The following CABIN1 variants were observed in gnomAD, a reference collection of about 807,000 sequenced individuals.
CABIN1 encodes the protein calcineurin-binding protein cabin-1.
Under a neutral mutation model 227.7 loss-of-function variants are expected in CABIN1, and 133 were observed. The ratio of observed to expected loss-of-function variants is 0.58; its 90% CI spans 0.51 to 0.67. CABIN1 has a LOEUF of 0.67. Among genes scored for constraint, CABIN1 ranks in the 30% least tolerant of loss-of-function variants. The pLI is 0.00. For synonymous variants in CABIN1, 1,086 were observed against 1,155.1 expected (o/e 0.94, Z 1.21); for missense variants, 2,408 against 2,852.5 (o/e 0.84, Z 3.55).
intron 29 of CABIN1, 124 bp downstream of exon 29, chr22:24,134,539 C>A: frequency 1.3e-6 from 1 of 752,514 alleles, no homozygotes; most frequent in Non-Finnish European, 2.3e-6. Context: ...CCTCAGAGGG[C>A]AGGCAGGGTG....
chr22:24,069,996 G>A (rs149549166), intron 16 of CABIN1, among the ~76,000 whole-genome samples: 496 of 151,950 alleles, frequency 3.3e-3, no homozygotes, highest in Middle Eastern at 0.024. Flanking sequence ...TCACAGACAG[G>A]CTGTGTTTCC....
chr22:24,119,255 G>C (rs1347933087), intron 27 of CABIN1, 112 bp from the exon 28 acceptor site: 2 of 926,054 alleles, frequency 2.2e-6, no homozygotes, highest in Admixed American at 3.6e-5. Flanking sequence ...CAAGGGCATT[G>C]ATCCAGCCGT....
chr22:24,111,270 A>G (rs913867912), intron 26 of CABIN1, among the ~76,000 whole-genome samples: 1 of 152,206 alleles, frequency 6.6e-6, no homozygotes, highest in Non-Finnish European at 1.5e-5. Flanking sequence ...GTTGGGCAAA[A>G]TCATCTAACA....
chr22:24,095,838 G>A, intron 24 of CABIN1, 93 bp from the exon 25 acceptor site: 1 of 1,402,482 alleles, frequency 7.1e-7, no homozygotes, highest in South Asian at 1.2e-5. Context: ...TGTTGCCCTG[G>A]TCATGGGCCC....
At chr22:24,143,648 G>A (rs547670085) in intron 29 of CABIN1, among the ~76,000 whole-genome samples, 18 of 152,282 alleles carry the variant, frequency 1.2e-4, no homozygotes, top group Middle Eastern at 3.4e-3. Context: ...AGAGAGTAGC[G>A]GCCCATAGTA....
intron 28 of CABIN1, among the ~76,000 whole-genome samples, chr22:24,131,967 G>A (rs951283221): frequency 6.6e-6 from 1 of 151,610 alleles, no homozygotes; most frequent in Non-Finnish European, 1.5e-5. Flanking sequence ...TCAGGAGGCT[G>A]AAGCAGGAGA....
intron 26 of CABIN1, among the ~76,000 whole-genome samples, chr22:24,106,901 C>G (rs531747025): frequency 6.6e-6 from 1 of 152,290 alleles, no homozygotes; most frequent in Admixed American, 6.5e-5. Context: ...TGGTATGAAA[C>G]CTTGGGTTGA....
intron 9 of CABIN1, among the ~76,000 whole-genome samples, chr22:24,055,605 T>C (rs1229695060): frequency 6.6e-6 from 1 of 152,248 alleles, no homozygotes; most frequent in Non-Finnish European, 1.5e-5. Flanking sequence ...TATGTTTTAT[T>C]GATTTTTATT....
chr22:24,167,070 C>T lies in CABIN1; in HGVS notation c.5439C>T (p.Leu1813=). The T allele has an allele frequency of 1.3e-6, 2 of 1,544,634 alleles. No individual in the cohort carries two copies. Among genetic ancestry groups the T allele is most frequent in the Non-Finnish European group, 1.7e-6 (2 of 1,144,742 alleles). ...GTGCCCGGCAGCAGCCCACCCCGCT[C>T]ACCCCAGCCCAGCCAGCCCCCGCCC... ...SISARQQPTP[L]TPAQPAPAPA... is the part of the protein sequence containing the mutation. Residue 1813 remains leucine, a synonymous_variant, in exon 32 of 37, where the codon CTC becomes CTT. Transcript: ENST00000263119.
chr22:24,015,270 CAAAAAAAAAAAAAAA>C (rs1199906542), intron 1 of CABIN1, among the ~76,000 whole-genome samples: 2 of 50,712 alleles, frequency 3.9e-5, no homozygotes, highest in Non-Finnish European at 6.8e-5. Context: ...AATCCATCTC[CAAAAAAAAAAAAAAA>C]AAAAAAAAAG....
At chr22:24,042,063 G>C (rs1484860222) in intron 5 of CABIN1, among the ~76,000 whole-genome samples, 1 of 152,090 alleles carries the variant, frequency 6.6e-6, no homozygotes, top group African/African-American at 2.4e-5. Context: ...ACGATCCTCC[G>C]ACCTCATGCC....
chr22:24,105,964 C>G (rs980614041), intron 26 of CABIN1, among the ~76,000 whole-genome samples: 1 of 152,198 alleles, frequency 6.6e-6, no homozygotes, highest in East Asian at 1.9e-4. Context: ...CCCATTTGAA[C>G]CTAGGGCCAC....
In CABIN1 at chr22:24,043,033, C is replaced by A; in HGVS notation, c.475C>A (p.Pro159Thr). The change falls in exon 6 of 37, where the codon CCC becomes ACC. Residue 159 changes from proline (P) to threonine (T), a missense_variant. Pro to Thr is a conservative substitution (Grantham distance 38, BLOSUM62 -1). Around this residue, in one of 3 missense-constraint regions of CABIN1, gnomAD observed 1,045 missense variants for 1,168.4 expected, o/e 0.89. Coordinates refer to ENST00000263119, the MANE Select transcript of CABIN1 (RefSeq NM_012295.4). Reference protein sequence around the residue: ...EGLRCNPDHWPCLDNLITVLY... With the variant: ...EGLRCNPDHWTCLDNLITVLY... ...GCTGCGGTGCAATCCTGACCACTGG[C>A]CCTGTTTGGATAACCTAATCACTGT... 6.2e-7 allele frequency: 1 copy of A among 1,613,990 alleles called. No individual in the cohort carries two copies. The highest frequency in any genetic ancestry group is 8.5e-7 in the Non-Finnish European group (1 of 1,180,000).
chr22:24,168,672 TC>T, intron 33 of CABIN1, 151 bp downstream of exon 33: 1 of 739,888 alleles, frequency 1.4e-6, no homozygotes, highest in Non-Finnish European at 2.4e-6. Context: ...CAGCTGAGCC[TC>T]CAGCACGTGG....
intron 8 of CABIN1, among the ~76,000 whole-genome samples, chr22:24,052,790 CAA>C (rs933884374): frequency 2.8e-4 from 27 of 95,422 alleles, no homozygotes; most frequent in African/African-American, 7.1e-4. Flanking sequence ...ACCCCCATCT[CAA>C]AAAAAAAAAA....
intron 3 of CABIN1, among the ~76,000 whole-genome samples, chr22:24,037,507 A>T (rs943447337): frequency 6.6e-6 from 1 of 151,822 alleles, no homozygotes; most frequent in Non-Finnish European, 1.5e-5. Context: ...GGGTCTCTCT[A>T]TGTGGCCCAG....
chr22:24,109,033 A>G (rs2042665435), intron 26 of CABIN1, among the ~76,000 whole-genome samples: 4 of 152,196 alleles, frequency 2.6e-5, no homozygotes, highest in Admixed American at 1.3e-4. Context: ...CTAGTTAATC[A>G]TAACAGTTCT....
Position 24,164,553 on chromosome 22 carries a change from G to T in CABIN1, c.4900G>T (p.Asp1634Tyr). ...GTCCTCCATGCTTCAGCGGACCCCA[G>T]ACCAGGGCAAGTGAGTGCAGCCACC... ...KVSSMLQRTP[D>Y]QGKKYLRDAD... The change falls in exon 30 of 37, where the codon GAC becomes TAC. Residue 1634 changes from aspartate (D) to tyrosine (Y), a missense_variant. Transcript: ENST00000263119. 5.6e-6 allele frequency: 9 copies of T among 1,604,378 alleles called. No individual in the cohort carries two copies. The highest frequency in any genetic ancestry group is 7.6e-6 in the Non-Finnish European group (9 of 1,179,926).
At chr22:24,076,963 T>C (rs1005797644) in intron 19 of CABIN1, among the ~76,000 whole-genome samples, 1 of 152,238 alleles carries the variant, frequency 6.6e-6, no homozygotes, top group African/African-American at 2.4e-5. Context: ...CGTGAAGTTC[T>C]ATTGGGATAT....
Sources: gnomAD v4.1 joint callset for allele counts (sites outside exome capture counted in the v4.1 genomes callset) on GRCh38, gnomAD v4.1.1 for gene constraint, gnomAD v4.1.1 regional missense constraint, MANE v1.5 for transcripts, NCBI Gene and HGNC (gene_info 2026-07-23, HGNC 2026-07-21) for gene names.